The following LIMS1 variants were observed in gnomAD, a reference collection of about 807,000 sequenced individuals.
LIMS1 encodes the protein LIM zinc finger domain containing 1.
Under a neutral mutation model 44.1 loss-of-function variants are expected in LIMS1, and 18 were observed. That is an observed-to-expected ratio of 0.41 (90% CI 0.28 to 0.61). The LOEUF (loss-of-function observed/expected upper bound fraction) is 0.61. Ranked by LOEUF, LIMS1 falls within the 20% of genes least tolerant of loss-of-function variation. The pLI, the probability that LIMS1 is intolerant of heterozygous loss-of-function variation, is 0.32. For missense variants in LIMS1, 201 were observed against 422.0 expected (o/e 0.48, Z 4.59); for synonymous variants, 93 against 149.1 (o/e 0.62, Z 2.74).
At chr2:108,564,157 AGTT>A (rs961968289) in intron 1 of LIMS1, among the ~76,000 whole-genome samples, 27 of 152,128 alleles carry the variant, frequency 1.8e-4, no homozygotes, top group African/African-American at 6.3e-4. Flanking sequence ...ATCAGTCAGC[AGTT>A]GTCAACATCA....
intron 1 of LIMS1, among the ~76,000 whole-genome samples, chr2:108,550,887 G>T (rs535270171): frequency 6.6e-6 from 1 of 151,866 alleles, no homozygotes; most frequent in African/African-American, 2.4e-5. Flanking sequence ...TTGGGAGACC[G>T]AGGTGGGAGG....
chr2:108,557,659 G>C (rs1275347842), intron 1 of LIMS1, among the ~76,000 whole-genome samples: 1 of 151,554 alleles, frequency 6.6e-6, no homozygotes, highest in Non-Finnish European at 1.5e-5. Context: ...TGGGACTACA[G>C]GTACGTGCCA....
intron 1 of LIMS1, among the ~76,000 whole-genome samples, chr2:108,637,993 C>G (rs1689394639): frequency 6.6e-6 from 1 of 151,834 alleles, no homozygotes; most frequent in Non-Finnish European, 1.5e-5. Flanking sequence ...GTAGCGCCTA[C>G]AGGTGCATGC....
intron 1 of LIMS1, among the ~76,000 whole-genome samples, chr2:108,560,575 C>A (rs1558787777): frequency 6.6e-6 from 1 of 152,016 alleles, no homozygotes; most frequent in Non-Finnish European, 1.5e-5. Context: ...CCGTAACTGT[C>A]CTATCAAAAA....
At chr2:108,553,253 A>C (rs1301238231) in intron 1 of LIMS1, among the ~76,000 whole-genome samples, 2 of 152,148 alleles carry the variant, frequency 1.3e-5, no homozygotes, top group Admixed American at 1.3e-4. Context: ...ATATCTTTTG[A>C]GGGAGAGAGT....
chr2:108,567,975 CCT>C (rs1438536750), intron 1 of LIMS1, among the ~76,000 whole-genome samples: 4 of 152,180 alleles, frequency 2.6e-5, no homozygotes, highest in African/African-American at 9.7e-5. Flanking sequence ...ACCATTTTGA[CCT>C]CTGTCACTCA....
rs70956264 is a variant in LIMS1, at chr2:108,635,429, T to TAAA, written c.33-24157_33-24155dup. 3.4e-3 allele frequency among the ~76,000 whole-genome samples: 294 copies of TAAA among 86,644 alleles called. 7 individuals are homozygous for TAAA. Among genetic ancestry groups the TAAA allele is most frequent in the African/African-American group, 0.013 (258 of 20,324 alleles). 56.8% of individuals were successfully genotyped at this position (86,644 alleles called of 152,430 possible). ...GGGGGAAAGAGCAAGACTTCATCTC[T>TAAA]AAAAAAAAAAAAAAAAAAAAAGAAT... On this transcript the variant is annotated intron_variant, in intron 1 of 9. Transcript: ENST00000544547.
chr2:108,668,833 G>A (rs550308767), intron 2 of LIMS1, among the ~76,000 whole-genome samples: 2 of 152,088 alleles, frequency 1.3e-5, no homozygotes, highest in Non-Finnish European at 2.9e-5. Flanking sequence ...GAAATATATC[G>A]TGCTTCATAA....
At chr2:108,549,694 A>G (rs928344569) in intron 1 of LIMS1, among the ~76,000 whole-genome samples, 1 of 152,156 alleles carries the variant, frequency 6.6e-6, no homozygotes, top group South Asian at 2.1e-4. Context: ...CTTCAATACT[A>G]TTAATCAGAA....
At chr2:108,641,916 T>C (rs1689693928) in intron 1 of LIMS1, among the ~76,000 whole-genome samples, 1 of 152,242 alleles carries the variant, frequency 6.6e-6, no homozygotes, top group South Asian at 2.1e-4. Flanking sequence ...TTATCTTTAC[T>C]TGCATGTCAT....
exon 10 of LIMS1, chr2:108,685,313 A>G (rs1693242685): frequency 6.6e-6 from 1 of 152,128 alleles, no homozygotes; most frequent in Non-Finnish European, 1.5e-5. Context: ...TTTCAGGACC[A>G]CTCTTCCTTA....
chr2:108,584,684 G>A (rs928033508), intron 1 of LIMS1, among the ~76,000 whole-genome samples: 1 of 152,120 alleles, frequency 6.6e-6, no homozygotes, highest in Non-Finnish European at 1.5e-5. Flanking sequence ...GTATGGACAG[G>A]TTTTCTGAGT....
intron 1 of LIMS1, among the ~76,000 whole-genome samples, chr2:108,538,543 A>G (rs987903403): frequency 6.6e-6 from 1 of 152,222 alleles, no homozygotes; most frequent in Non-Finnish European, 1.5e-5. Flanking sequence ...TCAGCACACC[A>G]GGAATCCAGG....
chr2:108,631,360 A>G (rs1020421077), intron 1 of LIMS1, among the ~76,000 whole-genome samples: 2 of 152,196 alleles, frequency 1.3e-5, no homozygotes, highest in Non-Finnish European at 2.9e-5. Flanking sequence ...TCTGCAAGTC[A>G]GTTATTTTTA....
chr2:108,539,632 T>C (rs1684253493), intron 1 of LIMS1, among the ~76,000 whole-genome samples: 1 of 152,238 alleles, frequency 6.6e-6, no homozygotes, highest in South Asian at 2.1e-4. Flanking sequence ...TTGTTGCTTC[T>C]GGAGAGGGAG....
chr2:108,553,217 C>T (rs1000283297), intron 1 of LIMS1, among the ~76,000 whole-genome samples: 1 of 152,204 alleles, frequency 6.6e-6, no homozygotes, highest in African/African-American at 2.4e-5. Flanking sequence ...TCTCTCACTG[C>T]CCAGATGCAG....
intron 1 of LIMS1, among the ~76,000 whole-genome samples, chr2:108,575,540 C>A (rs1056991009): frequency 6.6e-6 from 1 of 152,206 alleles, no homozygotes; most frequent in Non-Finnish European, 1.5e-5. Context: ...AATGTGGAGG[C>A]CCTTTTGCTC....
intron 1 of LIMS1, among the ~76,000 whole-genome samples, chr2:108,645,701 A>T (rs948567524): frequency 1.3e-5 from 2 of 152,104 alleles, no homozygotes; most frequent in African/African-American, 4.8e-5. Context: ...AGACTGGCAA[A>T]TTGGATGAAG....
At chr2:108,558,977 A>G (rs926437485) in intron 1 of LIMS1, among the ~76,000 whole-genome samples, 23 of 152,174 alleles carry the variant, frequency 1.5e-4, no homozygotes, top group African/African-American at 5.3e-4. Context: ...GGCCAAGAAC[A>G]TATTTAAATG....
Sources: allele counts gnomAD v4.1 joint callset (sites outside exome capture counted in the v4.1 genomes callset), GRCh38; gene constraint gnomAD v4.1.1; transcripts MANE v1.5; gene names NCBI Gene and HGNC (gene_info 2026-07-23, HGNC 2026-07-21).